LRMDA: variants seen among roughly 807,000 people sequenced by gnomAD.
LRMDA encodes the protein leucine rich melanocyte differentiation associated, also known as leucine-rich melanocyte differentiation-associated protein.
A neutral mutation model predicts 29.8 loss-of-function variants in LRMDA; 18 were observed. That is an observed-to-expected ratio of 0.60 (90% CI 0.42 to 0.90). LRMDA has a LOEUF of 0.90. Among genes scored for constraint, LRMDA ranks in the 40% least tolerant of loss-of-function variants. The pLI is 0.00. For synonymous variants in LRMDA, 125 were observed against 109.4 expected (o/e 1.14, Z -0.89); for missense variants, 273 against 273.9 (o/e 1.00, Z 0.02).
chr10:76,230,927 G>A (rs967282645), intron 5 of LRMDA, among the ~76,000 whole-genome samples: 1 of 152,168 alleles, frequency 6.6e-6, no homozygotes, highest in Non-Finnish European at 1.5e-5. Context: ...ATATTTTACA[G>A]CTTCTTTATA....
chr10:75,985,294 C>A (rs1278683514), intron 2 of LRMDA, among the ~76,000 whole-genome samples: 2 of 152,174 alleles, frequency 1.3e-5, no homozygotes, highest in Non-Finnish European at 2.9e-5. Flanking sequence ...TTCTGTTAAT[C>A]AGAATCTCAG....
intron 6 of LRMDA, among the ~76,000 whole-genome samples, chr10:76,393,304 C>A (rs952827985): frequency 1.3e-5 from 2 of 152,006 alleles, no homozygotes; most frequent in African/African-American, 2.4e-5. Context: ...CATGGGTTCC[C>A]TTTTTCCCAC....
chr10:76,463,050 T>C (rs2132310030), intron 6 of LRMDA, among the ~76,000 whole-genome samples: 1 of 152,196 alleles, frequency 6.6e-6, no homozygotes, highest in East Asian at 1.9e-4. Context: ...GTCCATGGGG[T>C]CCCTTGGTTA....
chr10:75,817,052 C>T (rs986757593), intron 2 of LRMDA, among the ~76,000 whole-genome samples: 1 of 152,224 alleles, frequency 6.6e-6, no homozygotes, highest in African/African-American at 2.4e-5. Context: ...TGGTCTACTC[C>T]TGGCCTCATC....
intron 2 of LRMDA, among the ~76,000 whole-genome samples, chr10:76,005,177 A>G (rs926373056): frequency 1.3e-5 from 2 of 151,932 alleles, no homozygotes; most frequent in African/African-American, 4.8e-5. Flanking sequence ...TATTTTGTTT[A>G]TCTTCTCCCT....
At chr10:76,217,120 T>A (rs919945433) in intron 5 of LRMDA, among the ~76,000 whole-genome samples, 3 of 152,194 alleles carry the variant, frequency 2.0e-5, no homozygotes, top group African/African-American at 7.2e-5. Flanking sequence ...AAAATACAAA[T>A]GTATTATTAT....
chr10:76,200,740 A>C (rs956162144), intron 5 of LRMDA, among the ~76,000 whole-genome samples: 16 of 146,464 alleles, frequency 1.1e-4, no homozygotes, highest in African/African-American at 4.0e-4. Flanking sequence ...TTTCTGAGAC[A>C]GGGCTTAGCT....
At chr10:75,589,465 G>GT (rs1424494115) in intron 2 of LRMDA, among the ~76,000 whole-genome samples, 2 of 151,984 alleles carry the variant, frequency 1.3e-5, no homozygotes, top group Non-Finnish European at 2.9e-5. Context: ...TTCTAAAATT[G>GT]TTTTTGGCTG....
At chr10:76,069,626 G>A (rs1214303894) in intron 5 of LRMDA, among the ~76,000 whole-genome samples, 1 of 149,060 alleles carries the variant, frequency 6.7e-6, no homozygotes, top group Non-Finnish European at 1.5e-5. Flanking sequence ...CTTTTTTGAA[G>A]TGGGGGATAT....
chr10:75,565,709 T>G (rs1221249472), intron 2 of LRMDA, among the ~76,000 whole-genome samples: 1 of 152,180 alleles, frequency 6.6e-6, no homozygotes, highest in Non-Finnish European at 1.5e-5. Context: ...TTTTTGCTGG[T>G]CAACCTCATT....
chr10:75,616,616 A>G (rs775287420), intron 2 of LRMDA, among the ~76,000 whole-genome samples: 25 of 152,118 alleles, frequency 1.6e-4, no homozygotes, highest in Non-Finnish European at 2.2e-4. Flanking sequence ...GTTTTGTATT[A>G]TCTTCTTTAC....
At chr10:76,062,092 A>T (rs923051831) in intron 5 of LRMDA, among the ~76,000 whole-genome samples, 1 of 152,094 alleles carries the variant, frequency 6.6e-6, no homozygotes, top group African/African-American at 2.4e-5. Flanking sequence ...GTCAGCTTCT[A>T]AGTGGCAAGC....
chr10:75,889,890 A>G (rs894447155), intron 2 of LRMDA, among the ~76,000 whole-genome samples: 6 of 152,238 alleles, frequency 3.9e-5, no homozygotes, highest in African/African-American at 1.2e-4. Flanking sequence ...AGGTTTGGCC[A>G]AGAGGGCTGG....
In LRMDA at chr10:76,324,501, T is replaced by C. The variant is rs2132398330; in HGVS notation, c.601+16T>C. 2.5e-6 allele frequency: 4 copies of C among 1,612,562 alleles called. No homozygotes were observed. The East Asian group carries it at 8.9e-5, about 36-fold the overall frequency. On this transcript the variant is annotated intron_variant, in intron 6 of 6. Transcript: ENST00000611255. ...AGTCACCAAGGTTGGAACTCAGCTT[T>C]TTATTGCTCTCAGTGGGTGCAGGGA...
intron 5 of LRMDA, among the ~76,000 whole-genome samples, chr10:76,107,212 G>C (rs1321360128): frequency 6.6e-6 from 1 of 152,132 alleles, no homozygotes; most frequent in African/African-American, 2.4e-5. Context: ...CTATTAGCCT[G>C]GAGCAGTGGT....
chr10:76,130,896 C>T lies in LRMDA; in HGVS notation c.516+72113C>T, dbSNP rs556997798. On this transcript the variant is annotated intron_variant, in intron 5 of 6. Coordinates refer to ENST00000611255, the MANE Select transcript of LRMDA (RefSeq NM_001305581.2). ...CAGGCTTGTCTTAAACTCTTGACCT[C>T]AGGTGATCCACTCGCCTCGGCCTCC... Among the ~76,000 whole-genome samples the T allele has an allele frequency of 2.1e-3, 313 of 152,232 alleles. 3 individuals carry two copies. The highest frequency in any genetic ancestry group is 7.4e-3 in the African/African-American group (306 of 41,518).
intron 2 of LRMDA, among the ~76,000 whole-genome samples, chr10:75,647,024 T>A (rs556680705): frequency 6.6e-6 from 1 of 152,248 alleles, no homozygotes; most frequent in East Asian, 1.9e-4. Flanking sequence ...TTCTCACAGC[T>A]CAGAGAGCAA....
At position 75,832,978 on chromosome 10, in the gene LRMDA, T is replaced by G. The variant is rs1471335604; in HGVS notation, c.132-203030T>G. Among the ~76,000 whole-genome samples the G allele has an allele frequency of 2.6e-5, 4 of 152,186 alleles. No individual in the cohort carries two copies. The East Asian group carries it at 7.7e-4, about 29-fold the overall frequency. On this transcript the variant is annotated intron_variant, in intron 2 of 6. Coordinates refer to ENST00000611255, the MANE Select transcript of LRMDA (RefSeq NM_001305581.2). ...GGGTAGGACACAGAGTCAAACCATT[T>G]CATATACTCTCCCTAGTTTCCTGGC...
intron 5 of LRMDA, among the ~76,000 whole-genome samples, chr10:76,228,025 CTT>C (rs35074858): frequency 0.17 from 23,315 of 140,160 alleles, 2,329 homozygotes; most frequent in East Asian, 0.52. Flanking sequence ...AATTGTTAGT[CTT>C]TTTTTTTTTT....
Sources: gnomAD v4.1 joint callset for allele counts (sites outside exome capture counted in the v4.1 genomes callset) on GRCh38, gnomAD v4.1.1 for gene constraint, MANE v1.5 for transcripts, NCBI Gene and HGNC (gene_info 2026-07-23, HGNC 2026-07-21) for gene names.